Variants in GABRA3 observed in about 807,000 individuals in gnomAD.
The protein encoded by GABRA3 is gamma-aminobutyric acid receptor subunit alpha-3.
A neutral mutation model predicts 30.1 loss-of-function variants in GABRA3; 10 were observed. The ratio of observed to expected loss-of-function variants is 0.33; its 90% CI spans 0.20 to 0.56. The LOEUF (loss-of-function observed/expected upper bound fraction) is 0.56, where lower values mean the gene tolerates loss of function less well. Among genes scored for constraint, GABRA3 ranks in the 20% least tolerant of loss-of-function variants. The pLI is 0.89. For missense variants in GABRA3, 233 were observed against 392.0 expected (o/e 0.59, Z 3.42); for synonymous variants, 151 against 146.8 (o/e 1.03, Z -0.21).
At chrX:152,252,970 T>C (rs1938581823) in intron 5 of GABRA3, among the ~76,000 whole-genome samples, 1 of 112,177 alleles carries the variant, frequency 8.9e-6, no homozygotes. Flanking sequence ...GCAAGTCATT[T>C]GTCCATGCTG....
intron 9 of GABRA3, among the ~76,000 whole-genome samples, chrX:152,188,727 C>G (rs993637022): frequency 9.0e-6 from 1 of 111,555 alleles, no homozygotes; most frequent in Non-Finnish European, 1.9e-5. Flanking sequence ...ATTTTGCCAA[C>G]TCACCAATCT....
At chrX:152,445,621 A>G (rs1220300020) in intron 1 of GABRA3, among the ~76,000 whole-genome samples, 1 of 111,714 alleles carries the variant, frequency 9.0e-6, no homozygotes, top group East Asian at 2.8e-4. Context: ...TATAGAAGTG[A>G]CCAAACCTGA....
intron 5 of GABRA3, among the ~76,000 whole-genome samples, chrX:152,245,414 C>G (rs1356696476): frequency 9.0e-6 from 1 of 111,227 alleles, no homozygotes; most frequent in African/African-American, 3.3e-5. Flanking sequence ...AACACCCAAA[C>G]CAAGCAGCAC....
intron 1 of GABRA3, among the ~76,000 whole-genome samples, chrX:152,414,411 T>C (rs1419638609): frequency 1.8e-5 from 2 of 111,244 alleles, no homozygotes; most frequent in Admixed American, 9.6e-5. Flanking sequence ...AATATACATA[T>C]GATAAACAAG....
chrX:152,275,211 AT>A (rs1165833877), intron 4 of GABRA3, among the ~76,000 whole-genome samples: 1 of 58,716 alleles, frequency 1.7e-5, no homozygotes. Context: ...TATATATATA[AT>A]ATTATATATA....
In GABRA3 at chrX:152,374,337, CTTTTTTTTTTTTT is replaced by C. The variant is rs55927249; in HGVS notation, c.-26-9754_-26-9742del. ...ATTCGTCAATTTTTTCTTTTCTTTT[CTTTTTTTTTTTTT>C]TTTTTTTTTGAGATGGAATCTTGCT... On this transcript the variant is annotated intron_variant, in intron 1 of 9. Coordinates refer to ENST00000370314, the MANE Select transcript of GABRA3 (RefSeq NM_000808.4). Among the ~76,000 whole-genome samples, 3 of 41,678 alleles carry C rather than the reference CTTTTTTTTTTTTT, an allele frequency of 7.2e-5. No homozygotes were observed. In the Admixed American group the frequency reaches 9.7e-4, roughly 14 times the overall value. 36.2% of individuals were successfully genotyped at this position (41,678 alleles called of 115,157 possible). A position where few individuals can be genotyped will look rare whatever the true frequency, so the allele number is the denominator to read the frequency against.
intron 8 of GABRA3, among the ~76,000 whole-genome samples, chrX:152,192,159 A>C (rs778333696): frequency 8.9e-6 from 1 of 112,037 alleles, no homozygotes; most frequent in South Asian, 3.7e-4. Flanking sequence ...GGCTTAATTA[A>C]AACTGTCAAC....
At chrX:152,203,686 G>A (rs765145234) in intron 7 of GABRA3, among the ~76,000 whole-genome samples, 145 of 111,413 alleles carry the variant, frequency 1.3e-3, no homozygotes, top group African/African-American at 4.5e-3. Context: ...GGCTTCTCTG[G>A]GTAGTCCACA....
At chrX:152,273,578 A>G (rs1033828910) in intron 4 of GABRA3, among the ~76,000 whole-genome samples, 1 of 112,602 alleles carries the variant, frequency 8.9e-6, no homozygotes, top group African/African-American at 3.2e-5. Flanking sequence ...AAAATACGGT[A>G]TGTATATGTA....
At chrX:152,293,425 T>C (rs1939461175) in intron 3 of GABRA3, among the ~76,000 whole-genome samples, 1 of 111,229 alleles carries the variant, frequency 9.0e-6, no homozygotes, top group African/African-American at 3.3e-5. Context: ...TCTTTCTCCA[T>C]CCCTTTATTT....
intron 6 of GABRA3, among the ~76,000 whole-genome samples, chrX:152,222,696 G>A (rs1490982079): frequency 1.8e-5 from 2 of 110,224 alleles, no homozygotes; most frequent in East Asian, 5.8e-4. Context: ...CCACCGTAGA[G>A]TCTTCATTAT....
At chrX:152,250,427 C>T (rs1179873935) in intron 5 of GABRA3, 1 of 111,186 alleles carries the variant, frequency 9.0e-6, no homozygotes, top group East Asian at 2.8e-4. Flanking sequence ...AAATAGTTCT[C>T]CTTCATATTC....
chrX:152,430,630 G>A (rs1383578799), intron 1 of GABRA3, among the ~76,000 whole-genome samples: 1 of 111,373 alleles, frequency 9.0e-6, no homozygotes, highest in Non-Finnish European at 1.9e-5. Flanking sequence ...CTGAACTAGG[G>A]ACTGATCACA....
rs139485877 is a variant in GABRA3 at position 152,338,776 on chromosome X, G to T, written c.262+6805C>A. ...TTATCCAGTTTTCCCAGCATTATTT[G>T]TTGAAGCGACTGTCCTTTTATCATT... is the stretch of plus-strand genomic sequence containing the variant. On this transcript the variant is annotated intron_variant, in intron 3 of 9. Transcript: ENST00000370314. 8.0e-3 allele frequency among the ~76,000 whole-genome samples: 901 copies of T among 112,031 alleles called. 8 individuals are homozygous for T. The highest frequency in any genetic ancestry group is 0.027 in the African/African-American group (829 of 30,844).
At chrX:152,310,080 C>A (rs1177520434) in intron 3 of GABRA3, among the ~76,000 whole-genome samples, 2 of 112,098 alleles carry the variant, frequency 1.8e-5, no homozygotes, top group Non-Finnish European at 3.8e-5. Flanking sequence ...AACAAGAAGA[C>A]TTCACTATCT....
chrX:152,216,470 G>T (rs982439429), intron 6 of GABRA3, among the ~76,000 whole-genome samples: 1 of 106,206 alleles, frequency 9.4e-6, no homozygotes, highest in Non-Finnish European at 2.0e-5. Flanking sequence ...CATAAAAAGA[G>T]AATGAAATCC....
intron 6 of GABRA3, among the ~76,000 whole-genome samples, chrX:152,222,782 G>C (rs756665875): frequency 9.1e-6 from 1 of 109,731 alleles, no homozygotes; most frequent in African/African-American, 3.3e-5. Context: ...TTATAGTTTT[G>C]ACTAATCTAG....
chrX:152,277,925 C>G (rs1191607218), intron 4 of GABRA3, among the ~76,000 whole-genome samples: 1 of 111,498 alleles, frequency 9.0e-6, no homozygotes, highest in Non-Finnish European at 1.9e-5. Flanking sequence ...TCAGCTTTAG[C>G]AGTGTATGGG....
intron 7 of GABRA3, among the ~76,000 whole-genome samples, chrX:152,204,495 C>T (rs1320587331): frequency 9.0e-6 from 1 of 111,037 alleles, no homozygotes; most frequent in Non-Finnish European, 1.9e-5. Context: ...TACCACTTAC[C>T]AACTGTGTGA....
Sources: gnomAD v4.1 joint callset for allele counts (sites outside exome capture counted in the v4.1 genomes callset) on GRCh38, gnomAD v4.1.1 for gene constraint, MANE v1.5 for transcripts, NCBI Gene and HGNC (gene_info 2026-07-23, HGNC 2026-07-21) for gene names.